RB1CC1: variants seen among roughly 807,000 people sequenced by gnomAD.
RB1CC1 encodes RB1 inducible coiled-coil 1, also known as RB1-inducible coiled-coil protein 1.
A neutral mutation model predicts 177.5 loss-of-function variants in RB1CC1; 46 were observed. The ratio of observed to expected loss-of-function variants is 0.26; its 90% CI spans 0.20 to 0.33. The LOEUF (loss-of-function observed/expected upper bound fraction) is 0.33. RB1CC1 is among the 10% of genes least tolerant of loss of function. The probability of loss-of-function intolerance (pLI) is 1.00; values close to 1 mark genes in which losing one functional copy is unlikely to be tolerated. For synonymous variants in RB1CC1, 666 were observed against 613.6 expected, an observed-to-expected ratio of 1.09 and a Z score of -1.26; for missense variants, 1,703 against 1,816.3, an observed-to-expected ratio of 0.94 and a Z score of 1.13.
rs149388730 is a variant in RB1CC1 at position 52,656,424 on chromosome 8, C to T, written c.3405G>A (p.Gln1135=). Residue 1135 remains glutamine (Q), a synonymous_variant, in exon 15 of 24, where the codon CAG becomes CAA. Coordinates refer to ENST00000025008, the MANE Select transcript of RB1CC1 (RefSeq NM_014781.5). ...GTCTACTAATTAACTCGGAAATACACTGATCTTTTTCAATTGTCATTAAAG... is the reference window on the plus strand; with the variant it reads ...GTCTACTAATTAACTCGGAAATACATTGATCTTTTTCAATTGTCATTAAAG... ...LRTLMTIEKD[Q]CISELISRHE... 1.1e-5 allele frequency: 17 copies of T among 1,611,584 alleles called. No individual in the cohort carries two copies. Among genetic ancestry groups the T allele is most frequent in the Middle Eastern group, 1.7e-4 (1 of 6,052 alleles).
At chr8:52,707,473 T>C (rs1428384084) in intron 1 of RB1CC1, among the ~76,000 whole-genome samples, 4 of 143,026 alleles carry the variant, frequency 2.8e-5, no homozygotes, top group African/African-American at 1.0e-4. Context: ...AAAGTGACAA[T>C]GGACCAGGCT....
intron 8 of RB1CC1, among the ~76,000 whole-genome samples, chr8:52,665,664 G>A (rs914702933): frequency 2.6e-5 from 4 of 152,206 alleles, no homozygotes; most frequent in African/African-American, 9.6e-5. Flanking sequence ...TCTGTCTCTA[G>A]TAATGGTAGC....
chr8:52,658,165 A>C (rs752107217), intron 13 of RB1CC1, 41 bp from the exon 14 acceptor site: 3 of 1,581,440 alleles, frequency 1.9e-6, no homozygotes, highest in African/African-American at 2.7e-5. Context: ...TGATTTTTTA[A>C]TGAACTAGTA....
chr8:52,672,596 A>C (rs1852702111), intron 7 of RB1CC1, among the ~76,000 whole-genome samples: 1 of 152,146 alleles, frequency 6.6e-6, no homozygotes. Flanking sequence ...CAATGAAAAA[A>C]TTAGCTGGAC....
At chr8:52,698,867 T>C (rs974567918) in intron 1 of RB1CC1, among the ~76,000 whole-genome samples, 3 of 151,694 alleles carry the variant, frequency 2.0e-5, no homozygotes, top group Non-Finnish European at 4.4e-5. Context: ...TTGTTTTGTA[T>C]TTTTAGTAAG....
At chr8:52,635,843 A>G (rs1590926916) in intron 19 of RB1CC1, among the ~76,000 whole-genome samples, 172 bp downstream of exon 19, 1 of 152,144 alleles carries the variant, frequency 6.6e-6, no homozygotes, top group African/African-American at 2.4e-5. Context: ...TTTAGCTAGT[A>G]AGATCATAAA....
At chr8:52,646,017 A>T in intron 15 of RB1CC1, 150 bp from the exon 16 acceptor site, 1 of 757,308 alleles carries the variant, frequency 1.3e-6, no homozygotes, top group Non-Finnish European at 2.1e-6. Flanking sequence ...TCTAAAAAGT[A>T]AAGGGAAATA....
rs369925562 is a variant in RB1CC1, at chr8:52,656,661, C to T, written c.3168G>A (p.Thr1056=). 4.6e-5 allele frequency: 74 copies of T among 1,613,754 alleles called. No individual in the cohort carries two copies. The highest frequency in any genetic ancestry group is 5.3e-5 in the Non-Finnish European group (62 of 1,179,922). Residue 1056 remains threonine, a synonymous_variant, in exon 15 of 24, where the codon ACG becomes ACA. Transcript: ENST00000025008. ...LKLKVSDLSD[T]RCKLEVELAL... Reference sequence around the variant, plus strand: ...CAAGTTCAACCTCTAACTTGCATCTCGTGTCTGACAAATCAGAAACCTTGA... The same window carrying T: ...CAAGTTCAACCTCTAACTTGCATCTTGTGTCTGACAAATCAGAAACCTTGA...
intron 3 of RB1CC1, among the ~76,000 whole-genome samples, chr8:52,685,094 C>G (rs925906454): frequency 1.3e-5 from 2 of 151,590 alleles, no homozygotes; most frequent in African/African-American, 2.4e-5. Context: ...CCTCTGCCCC[C>G]CGGGGTTCAA....
intron 1 of RB1CC1, among the ~76,000 whole-genome samples, chr8:52,696,599 CATA>C: frequency 6.6e-6 from 1 of 152,098 alleles, no homozygotes; most frequent in East Asian, 1.9e-4. Context: ...ATCCATGCTG[CATA>C]ATGATACTCA....
At chr8:52,633,389 G>A (rs1245871080) in intron 20 of RB1CC1, among the ~76,000 whole-genome samples, 4 of 152,056 alleles carry the variant, frequency 2.6e-5, no homozygotes, top group Admixed American at 6.6e-5. Context: ...GCCAAACAGA[G>A]CTTATATTCT....
intron 22 of RB1CC1, among the ~76,000 whole-genome samples, chr8:52,625,897 G>A (rs1279957210): frequency 1.3e-5 from 2 of 152,100 alleles, no homozygotes; most frequent in African/African-American, 4.8e-5. Flanking sequence ...TTGAAAGAAG[G>A]CATACGGATT....
At chr8:52,706,684 A>C (rs1408586411) in intron 1 of RB1CC1, among the ~76,000 whole-genome samples, 2 of 150,896 alleles carry the variant, frequency 1.3e-5, no homozygotes, top group African/African-American at 2.4e-5. Context: ...GTAAGCCGAG[A>C]TCTCGCCACT....
chr8:52,675,661 G>C (rs891471384), intron 6 of RB1CC1, among the ~76,000 whole-genome samples: 1 of 146,462 alleles, frequency 6.8e-6, no homozygotes, highest in East Asian at 2.0e-4. Flanking sequence ...ATGAGGTCAG[G>C]AGATCGAGAC....
chr8:52,630,626 G>C, intron 20 of RB1CC1, 98 bp from the exon 21 acceptor site: 1 of 1,268,534 alleles, frequency 7.9e-7, no homozygotes, highest in Non-Finnish European at 1.0e-6. Context: ...ATTCAAGCCT[G>C]TGTCCAGCTT....
At chr8:52,638,292 CT>C (rs1252219972) in intron 18 of RB1CC1, among the ~76,000 whole-genome samples, 1 of 152,068 alleles carries the variant, frequency 6.6e-6, no homozygotes, top group Non-Finnish European at 1.5e-5. Context: ...CATAAATTGA[CT>C]TTTAGATGTT....
chr8:52,681,539 T>C (rs1249095848), intron 5 of RB1CC1, among the ~76,000 whole-genome samples: 5 of 152,166 alleles, frequency 3.3e-5, no homozygotes, highest in Admixed American at 6.5e-5. Context: ...ACATAATGAA[T>C]TGATTAGACC....
chr8:52,632,621 T>G (rs1848849230), intron 20 of RB1CC1, among the ~76,000 whole-genome samples: 1 of 152,174 alleles, frequency 6.6e-6, no homozygotes. Context: ...TGATTTACAT[T>G]TGGACACCTT....
At chr8:52,695,392 G>A (rs551012577) in intron 1 of RB1CC1, among the ~76,000 whole-genome samples, 3 of 152,322 alleles carry the variant, frequency 2.0e-5, no homozygotes, top group South Asian at 2.1e-4. Flanking sequence ...TTTGCCCTTC[G>A]CTACTGGGAG....
Sources: allele counts gnomAD v4.1 joint callset (sites outside exome capture counted in the v4.1 genomes callset), GRCh38; gene constraint gnomAD v4.1.1; transcripts MANE v1.5; gene names NCBI Gene and HGNC (gene_info 2026-07-23, HGNC 2026-07-21).